DEPTOR: variants seen among roughly 807,000 people sequenced by gnomAD.
DEPTOR encodes the protein DEP domain containing MTOR interacting protein.
Under a neutral mutation model 41.6 loss-of-function variants are expected in DEPTOR, and 41 were observed. The observed-to-expected ratio is 0.98, with a 90% CI of 0.77 to 1.28. The LOEUF (loss-of-function observed/expected upper bound fraction) is 1.28. Among genes scored for constraint, DEPTOR ranks in the 50% most tolerant of loss-of-function variants. The probability of loss-of-function intolerance (pLI) is 0.00; values close to 1 mark genes in which losing one functional copy is unlikely to be tolerated. For missense variants in DEPTOR, 514 were observed against 527.9 expected (o/e 0.97, Z 0.26); for synonymous variants, 195 against 192.3 (o/e 1.01, Z -0.12).
At chr8:120,007,599 T>C (rs1812463652) in intron 7 of DEPTOR, among the ~76,000 whole-genome samples, 1 of 152,198 alleles carries the variant, frequency 6.6e-6, no homozygotes, top group Admixed American at 6.5e-5. Context: ...TTCACGTTCA[T>C]ACCCTCTTCA....
intron 4 of DEPTOR, among the ~76,000 whole-genome samples, chr8:120,000,953 T>A (rs1812338833): frequency 6.6e-6 from 1 of 151,750 alleles, no homozygotes; most frequent in South Asian, 2.1e-4. Flanking sequence ...GGTGGGCACC[T>A]GTAATCCCAG....
intron 1 of DEPTOR, among the ~76,000 whole-genome samples, chr8:119,919,453 AT>A (rs1364532383): frequency 6.6e-6 from 1 of 152,138 alleles, no homozygotes; most frequent in Non-Finnish European, 1.5e-5. Context: ...TATTTGAATT[AT>A]TTTCTACTGT....
chr8:119,939,046 A>C (rs952212417), intron 3 of DEPTOR, among the ~76,000 whole-genome samples: 1 of 151,578 alleles, frequency 6.6e-6, no homozygotes, highest in Non-Finnish European at 1.5e-5. Context: ...GATGCTTTGT[A>C]ATTTGCCCAT....
intron 3 of DEPTOR, among the ~76,000 whole-genome samples, chr8:119,937,000 G>C (rs1828121748): frequency 6.6e-6 from 1 of 151,800 alleles, no homozygotes; most frequent in African/African-American, 2.4e-5. Context: ...CTCCAGCCTG[G>C]GTGACAGAGT....
chr8:119,902,132 A>G (rs1324915552), intron 1 of DEPTOR, among the ~76,000 whole-genome samples: 11 of 152,106 alleles, frequency 7.2e-5, no homozygotes, highest in Non-Finnish European at 1.6e-4. Context: ...GTTGATTCCC[A>G]ATTTAGAGAT....
chr8:120,034,502 C>T (rs2130181798), intron 8 of DEPTOR, among the ~76,000 whole-genome samples: 1 of 123,484 alleles, frequency 8.1e-6, no homozygotes, highest in Admixed American at 1.1e-4. Context: ...GGCTGGAGTG[C>T]AGTGGCGCAA....
At position 119,956,137 on chromosome 8, in the gene DEPTOR, G is replaced by A. The variant is rs567178487; in HGVS notation, c.426-9095G>A. On this transcript the variant is annotated intron_variant, in intron 3 of 8. Transcript: ENST00000286234. ...CAATACTAACATATAATTAAATGAT[G>A]GTTATTTTAAGCCACCAAGTTTGGG... 9.2e-5 allele frequency among the ~76,000 whole-genome samples: 14 copies of A among 152,270 alleles called. No individual in the cohort carries two copies. In the South Asian group the frequency reaches 2.3e-3, roughly 25 times the overall value.
intron 8 of DEPTOR, among the ~76,000 whole-genome samples, chr8:120,024,027 G>C (rs941615369): frequency 6.6e-6 from 1 of 152,102 alleles, no homozygotes; most frequent in Non-Finnish European, 1.5e-5. Context: ...CCTGAGGTTA[G>C]GAGTTTGAGA....
At chr8:120,031,714 C>T (rs1416593391) in intron 8 of DEPTOR, among the ~76,000 whole-genome samples, 1 of 152,104 alleles carries the variant, frequency 6.6e-6, no homozygotes, top group Non-Finnish European at 1.5e-5. Context: ...TCCTGTTAAT[C>T]CCCTCCCCCA....
chr8:120,002,582 C>T (rs766821124), intron 5 of DEPTOR, among the ~76,000 whole-genome samples: 3 of 151,172 alleles, frequency 2.0e-5, no homozygotes, highest in African/African-American at 7.3e-5. Context: ...GTTATCCACC[C>T]GTTATCAGGG....
intron 3 of DEPTOR, among the ~76,000 whole-genome samples, chr8:119,964,515 C>CAAAAAAAAAAAAAAAA (rs536731714): frequency 1.6e-5 from 2 of 121,692 alleles, no homozygotes; most frequent in African/African-American, 3.3e-5. Flanking sequence ...AAGCCCGTCT[C>CAAAAAAAAAAAAAAAA]AAAAAAAAAA....
intron 1 of DEPTOR, among the ~76,000 whole-genome samples, chr8:119,915,319 G>A (rs1040695782): frequency 6.6e-6 from 1 of 152,138 alleles, no homozygotes; most frequent in South Asian, 2.1e-4. Context: ...TATATATTTT[G>A]TCTTTGTCTA....
Position 120,049,761 on chromosome 8 carries a change from C to G in DEPTOR, c.*57C>G. The G allele has an allele frequency of 6.3e-7, 1 of 1,596,060 alleles. No individual in the cohort carries two copies. The highest frequency in any genetic ancestry group is 1.1e-5 in the South Asian group (1 of 89,354). Reference sequence around the variant, plus strand: ...GTGGGTGAGGGAAGCCAGAATGACACAAAGCAATGCAAAGACAAGATTGCC... The same window carrying G: ...GTGGGTGAGGGAAGCCAGAATGACAGAAAGCAATGCAAAGACAAGATTGCC... On this transcript the variant is annotated 3_prime_UTR_variant, in exon 9 of 9. Transcript: ENST00000286234.
At chr8:119,921,839 TA>T (rs1372526150) in intron 1 of DEPTOR, among the ~76,000 whole-genome samples, 1 of 151,500 alleles carries the variant, frequency 6.6e-6, no homozygotes, top group Non-Finnish European at 1.5e-5. Context: ...CGACTCACTG[TA>T]ACCTCTGCCT....
chr8:119,962,688 A>C (rs759127249), intron 3 of DEPTOR, among the ~76,000 whole-genome samples: 24 of 152,222 alleles, frequency 1.6e-4, no homozygotes, highest in Non-Finnish European at 3.2e-4. Flanking sequence ...TTTAATAGCT[A>C]TGTGTAGACT....
chr8:119,873,963 G>GCT lies in DEPTOR; in HGVS notation c.118_119dup (p.Arg41TyrfsTer30). 6.2e-7 allele frequency: 1 copy of GCT among 1,613,548 alleles called. No individual in the cohort carries two copies. The highest frequency in any genetic ancestry group is 8.5e-7 in the Non-Finnish European group (1 of 1,179,782). On this transcript the variant is annotated frameshift_variant, in exon 1 of 9. Transcript: ENST00000286234. LOFTEE classifies it high-confidence loss of function. The stretch of plus-strand genomic sequence containing the variant: ...CTGAGGTCTTGGTCACCGGGGAACA[G>GCT]CTACGGTAAGGCAAGAGACACAGCG...
intron 1 of DEPTOR, among the ~76,000 whole-genome samples, chr8:119,891,783 CAGAG>C (rs983832125): frequency 7.0e-6 from 1 of 142,848 alleles, no homozygotes; most frequent in African/African-American, 2.7e-5. Context: ...CACCTCCACT[CAGAG>C]AGAGTCCCAG....
intron 8 of DEPTOR, among the ~76,000 whole-genome samples, chr8:120,032,934 A>G (rs1265853668): frequency 6.6e-6 from 1 of 152,178 alleles, no homozygotes; most frequent in Middle Eastern, 3.2e-3. Context: ...CTGGTCCAGA[A>G]AATGTGCTTG....
At chr8:119,981,746 AT>A (rs1828769820) in intron 4 of DEPTOR, among the ~76,000 whole-genome samples, 1 of 148,670 alleles carries the variant, frequency 6.7e-6, no homozygotes, top group South Asian at 2.2e-4. Flanking sequence ...GCTGGGCGTG[AT>A]GGCTCATGCC....
Sources: allele counts gnomAD v4.1 joint callset (sites outside exome capture counted in the v4.1 genomes callset), GRCh38; gene constraint gnomAD v4.1.1; transcripts MANE v1.5; gene names NCBI Gene and HGNC (gene_info 2026-07-23, HGNC 2026-07-21).